RNF13: variants seen among roughly 807,000 people sequenced by gnomAD.
RNF13 encodes the protein E3 ubiquitin-protein ligase RNF13.
A neutral mutation model predicts 37.7 loss-of-function variants in RNF13; 19 were observed. The ratio of observed to expected loss-of-function variants is 0.50; its 90% CI spans 0.35 to 0.74. RNF13 has a LOEUF of 0.74. Among genes scored for constraint, RNF13 ranks in the 30% least tolerant of loss-of-function variants. The pLI, the probability that RNF13 is intolerant of heterozygous loss-of-function variation, is 0.01. For synonymous variants in RNF13, 144 were observed against 157.8 expected (o/e 0.91, Z 0.65); for missense variants, 375 against 453.0 (o/e 0.83, Z 1.56).
intron 8 of RNF13, among the ~76,000 whole-genome samples, chr3:149,936,297 GTTA>G (rs1212435397): frequency 1.3e-5 from 2 of 152,092 alleles, no homozygotes; most frequent in East Asian, 3.9e-4. Context: ...AAAGTTTTCT[GTTA>G]TTATTTCTTT....
intron 1 of RNF13, among the ~76,000 whole-genome samples, chr3:149,822,836 C>T (rs1391579114): frequency 6.6e-6 from 1 of 151,998 alleles, no homozygotes; most frequent in Admixed American, 6.6e-5. Context: ...CCATATTTAT[C>T]GCAGAGTCTG....
At chr3:149,815,175 A>C (rs1354004553) in intron 1 of RNF13, among the ~76,000 whole-genome samples, 1 of 152,174 alleles carries the variant, frequency 6.6e-6, no homozygotes, top group East Asian at 1.9e-4. Context: ...AATAACGTAG[A>C]TTTATCAGAA....
chr3:149,852,428 T>A (rs894803408), intron 2 of RNF13, 88 bp from the exon 3 acceptor site: 3 of 536,466 alleles, frequency 5.6e-6, no homozygotes, highest in Admixed American at 7.5e-5. Context: ...ATTGTCAAAA[T>A]AATAATTATA....
intron 7 of RNF13, among the ~76,000 whole-genome samples, chr3:149,914,445 G>A (rs369039310): frequency 3.9e-4 from 59 of 152,146 alleles, no homozygotes; most frequent in African/African-American, 1.3e-3. Context: ...TAATTTGTTT[G>A]TTGATTCCCT....
intron 8 of RNF13, among the ~76,000 whole-genome samples, chr3:149,948,433 TCTCA>T (rs1244116086): frequency 2.0e-5 from 3 of 152,206 alleles, no homozygotes; most frequent in African/African-American, 7.2e-5. Context: ...TTGTCTTTCC[TCTCA>T]CTGTGTTTTT....
At chr3:149,858,401 C>T (rs570737294) in intron 3 of RNF13, among the ~76,000 whole-genome samples, 1 of 152,322 alleles carries the variant, frequency 6.6e-6, no homozygotes, top group South Asian at 2.1e-4. Context: ...GAACAAGCTT[C>T]TCCAGATTTC....
chr3:149,913,842 G>A (rs1448243844), intron 7 of RNF13, among the ~76,000 whole-genome samples: 2 of 152,152 alleles, frequency 1.3e-5, no homozygotes, highest in African/African-American at 4.8e-5. Context: ...CCTTGGTTAA[G>A]GTAGTGTTTG....
At chr3:149,954,376 A>G (rs1474977026) in intron 8 of RNF13, among the ~76,000 whole-genome samples, 2 of 151,888 alleles carry the variant, frequency 1.3e-5, no homozygotes, top group Non-Finnish European at 2.9e-5. Context: ...ATGTTAGGGG[A>G]CTCTATAACA....
intron 1 of RNF13, among the ~76,000 whole-genome samples, chr3:149,819,570 G>C (rs977662142): frequency 1.5e-4 from 23 of 152,198 alleles, no homozygotes; most frequent in African/African-American, 5.5e-4. Context: ...GGGAGTGACA[G>C]ACCATTTAGT....
chr3:149,813,599 AC>A (rs1335053207), intron 1 of RNF13, among the ~76,000 whole-genome samples: 1 of 152,144 alleles, frequency 6.6e-6, no homozygotes, highest in Non-Finnish European at 1.5e-5. Flanking sequence ...AAGTTGAGTT[AC>A]CGGTTTTGCT....
rs766884320 is a variant in RNF13 at position 149,852,517 on chromosome 3, A to G, written c.116A>G (p.Tyr39Cys). The change falls in exon 3 of 10, where the codon TAT (tyrosine) becomes TGT (cysteine). Residue 39 changes from tyrosine (Y) to cysteine (C), a missense_variant and splice_region_variant. Tyr to Cys is a radical substitution (Grantham distance 194). Transcript: ENST00000392894. ...GAATATTTAAAATTTTATTTTTAGT[A>G]TAACTTTGAAAATGCATCTCAGACA... ...LLPVEADILA[Y>C]NFENASQTFD... 2.0e-6 allele frequency: 3 copies of G among 1,496,212 alleles called. No individual in the cohort carries two copies. Among genetic ancestry groups the G allele is most frequent in the Admixed American group, 1.9e-5 (1 of 51,966 alleles). 92.7% of individuals were successfully genotyped at this position (1,496,212 alleles called of 1,614,324 possible).
chr3:149,916,961 A>T (rs768311918), intron 7 of RNF13, among the ~76,000 whole-genome samples: 2 of 152,144 alleles, frequency 1.3e-5, no homozygotes, highest in African/African-American at 4.8e-5. Flanking sequence ...ACAACTTTTG[A>T]TAAGGAAAAT....
At chr3:149,918,657 G>A (rs1156574785) in intron 7 of RNF13, among the ~76,000 whole-genome samples, 1 of 151,478 alleles carries the variant, frequency 6.6e-6, no homozygotes, top group Non-Finnish European at 1.5e-5. Context: ...CCAAGTAGCT[G>A]GGACTAGAGG....
intron 6 of RNF13, among the ~76,000 whole-genome samples, chr3:149,904,151 A>G (rs965214051): frequency 1.3e-5 from 2 of 152,166 alleles, no homozygotes; most frequent in African/African-American, 4.8e-5. Context: ...GTTGCTTCCA[A>G]TTTAAATACA....
At position 149,961,293 on chromosome 3, in the gene RNF13, AAT is replaced by A; in HGVS notation, c.*191_*192del. On this transcript the variant is annotated 3_prime_UTR_variant, in exon 10 of 10. Coordinates refer to ENST00000392894, the MANE Select transcript of RNF13 (RefSeq NM_183381.3). ...CCAAGAATATACTTCATTCACTAAT[AAT>A]AGACTGGTGCTGTAACTCAAGCATC... 1 of 684,526 alleles carries A rather than the reference AAT, an allele frequency of 1.5e-6. No individual in the cohort carries two copies. Among genetic ancestry groups the A allele is most frequent in the Admixed American group, 2.2e-5 (1 of 44,820 alleles). The allele number at this position is 684,526 out of a possible 1,614,324, so 42.4% of individuals were successfully genotyped here.
intron 5 of RNF13, among the ~76,000 whole-genome samples, chr3:149,896,825 T>C (rs888328227): frequency 1.3e-5 from 2 of 152,114 alleles, no homozygotes; most frequent in Non-Finnish European, 2.9e-5. Context: ...AATTATAATA[T>C]GTAAAAAGTA....
chr3:149,887,447 T>C (rs1372467361), intron 4 of RNF13, among the ~76,000 whole-genome samples: 2 of 152,160 alleles, frequency 1.3e-5, no homozygotes, highest in Non-Finnish European at 2.9e-5. Context: ...ACTACAGGCA[T>C]GTGCCATCAC....
At chr3:149,927,452 A>T (rs999534650) in intron 8 of RNF13, among the ~76,000 whole-genome samples, 5 of 152,224 alleles carry the variant, frequency 3.3e-5, no homozygotes, top group African/African-American at 1.2e-4. Context: ...AACATTGATA[A>T]AAAAGTATCT....
chr3:149,879,706 A>G (rs966251258), intron 4 of RNF13, among the ~76,000 whole-genome samples: 3 of 152,300 alleles, frequency 2.0e-5, no homozygotes, highest in Middle Eastern at 3.4e-3. Context: ...CTAATTTTAC[A>G]TTGATTTCAA....
Sources: allele counts gnomAD v4.1 joint callset (sites outside exome capture counted in the v4.1 genomes callset), GRCh38; gene constraint gnomAD v4.1.1; transcripts MANE v1.5; gene names NCBI Gene and HGNC (gene_info 2026-07-23, HGNC 2026-07-21).